Variants in SH3BP5 observed in about 807,000 individuals in gnomAD.
SH3BP5 encodes the protein SH3 domain-binding protein 5.
In SH3BP5, 22 loss-of-function variants were observed where a neutral mutation model predicts 43.3. The observed-to-expected ratio is 0.51, with a 90% CI of 0.36 to 0.73. The LOEUF (loss-of-function observed/expected upper bound fraction) is 0.73. Among genes scored for constraint, SH3BP5 ranks in the 30% least tolerant of loss-of-function variants. The pLI, the probability that SH3BP5 is intolerant of heterozygous loss-of-function variation, is 0.00. For missense variants in SH3BP5, 529 were observed against 586.9 expected (o/e 0.90, Z 1.02); for synonymous variants, 255 against 225.8 (o/e 1.13, Z -1.16).
At chr3:15,256,829 C>CG in intron 8 of SH3BP5, 24 bp downstream of exon 8, 1 of 1,586,916 alleles carries the variant, frequency 6.3e-7, no homozygotes, top group South Asian at 1.1e-5. Flanking sequence ...GCATCTGGGA[C>CG]GGGGTGAGAA....
At chr3:15,312,663 T>A (rs1232993241) in intron 2 of SH3BP5, among the ~76,000 whole-genome samples, 1 of 152,230 alleles carries the variant, frequency 6.6e-6, no homozygotes, top group Non-Finnish European at 1.5e-5. Context: ...AAGACTCCAT[T>A]TGGTACCACA....
At chr3:15,277,797 G>A (rs1192431873) in intron 3 of SH3BP5, among the ~76,000 whole-genome samples, 1 of 149,036 alleles carries the variant, frequency 6.7e-6, no homozygotes, top group Non-Finnish European at 1.5e-5. Flanking sequence ...GAATGGTTGG[G>A]CTCAGTATGC....
intron 7 of SH3BP5, chr3:15,257,455 C>T (rs1696254140): frequency 4.4e-6 from 1 of 226,716 alleles, no homozygotes; most frequent in Admixed American, 5.2e-5. Context: ...CAAATACATC[C>T]TCATGTGCAC....
At chr3:15,289,486 C>T (rs953343538) in intron 3 of SH3BP5, among the ~76,000 whole-genome samples, 7 of 152,230 alleles carry the variant, frequency 4.6e-5, no homozygotes, top group Admixed American at 2.6e-4. Flanking sequence ...GCAAACAGAA[C>T]ACTCGGTTTC....
At chr3:15,311,266 A>C (rs1219496753) in intron 2 of SH3BP5, among the ~76,000 whole-genome samples, 1 of 152,178 alleles carries the variant, frequency 6.6e-6, no homozygotes, top group Non-Finnish European at 1.5e-5. Flanking sequence ...TCCCGAGTTT[A>C]CAGATAAGAA....
At chr3:15,264,746 A>C (rs1696573879) in intron 4 of SH3BP5, among the ~76,000 whole-genome samples, 1 of 152,168 alleles carries the variant, frequency 6.6e-6, no homozygotes, top group Non-Finnish European at 1.5e-5. Flanking sequence ...AAATGCACTA[A>C]AAATATCTCA....
At chr3:15,300,965 A>G (rs1380362714) in intron 3 of SH3BP5, among the ~76,000 whole-genome samples, 2 of 152,106 alleles carry the variant, frequency 1.3e-5, no homozygotes, top group African/African-American at 4.8e-5. Flanking sequence ...AGGACTCAGT[A>G]ATTGCCCTAT....
chr3:15,265,332 A>G (rs1054981340), intron 4 of SH3BP5, among the ~76,000 whole-genome samples: 1 of 152,122 alleles, frequency 6.6e-6, no homozygotes, highest in Non-Finnish European at 1.5e-5. Context: ...CCTGGCCAAC[A>G]TGGTGAAACC....
chr3:15,305,283 C>A (rs1384925458), intron 2 of SH3BP5, among the ~76,000 whole-genome samples: 2 of 152,178 alleles, frequency 1.3e-5, no homozygotes, highest in Non-Finnish European at 2.9e-5. Context: ...TCAACACTGA[C>A]CAAACCTCTA....
intron 2 of SH3BP5, among the ~76,000 whole-genome samples, chr3:15,329,131 CAG>C (rs1357991736): frequency 6.7e-6 from 1 of 149,942 alleles, no homozygotes; most frequent in African/African-American, 2.4e-5. Flanking sequence ...GCCTGGGCGA[CAG>C]AGTAAGACTC....
chr3:15,324,634 A>G (rs1698414525), intron 2 of SH3BP5, among the ~76,000 whole-genome samples: 1 of 152,190 alleles, frequency 6.6e-6, no homozygotes. Context: ...GTTTCTTCGA[A>G]GCACAACTGA....
Position 15,255,927 on chromosome 3 carries a change from CAGA to C in SH3BP5, c.*156_*158del, listed in dbSNP as rs1696177534. 2.0e-5 allele frequency: 14 copies of C among 689,500 alleles called. No homozygotes were observed. The highest frequency in any genetic ancestry group is 3.0e-5 in the Non-Finnish European group (12 of 401,202). 42.7% of individuals were successfully genotyped at this position (689,500 alleles called of 1,614,324 possible). The stretch of plus-strand genomic sequence containing the variant: ...AAAAACCAGCCCAAGAGCTCTTACC[CAGA>C]AGAACAATCTTTAGCCCTCAAGGTC... On this transcript the variant is annotated 3_prime_UTR_variant, in exon 9 of 9. Transcript: ENST00000383791.
upstream of SH3BP5, among the ~76,000 whole-genome samples, chr3:15,333,800 G>C (rs1235604531): frequency 6.6e-6 from 1 of 152,230 alleles, no homozygotes; most frequent in African/African-American, 2.4e-5. Flanking sequence ...TTTCTAAAAA[G>C]GTCAGACCTG....
upstream of SH3BP5, chr3:15,333,125 G>C (rs528430771): frequency 2.3e-5 from 23 of 985,468 alleles, no homozygotes; most frequent in South Asian, 8.9e-4. Flanking sequence ...ATTGAGCTGG[G>C]ATTTAAGGAG....
chr3:15,286,806 A>G (rs1227261452), intron 3 of SH3BP5, among the ~76,000 whole-genome samples: 2 of 152,224 alleles, frequency 1.3e-5, no homozygotes, highest in African/African-American at 4.8e-5. Flanking sequence ...TCAGCTTCCC[A>G]AAGTGCTGAG....
At chr3:15,323,465 C>T (rs1283602964) in intron 2 of SH3BP5, among the ~76,000 whole-genome samples, 1 of 152,204 alleles carries the variant, frequency 6.6e-6, no homozygotes, top group Non-Finnish European at 1.5e-5. Flanking sequence ...CAGCCAAGCA[C>T]ACAGGGGGCC....
At chr3:15,326,519 C>T (rs1698467655) in intron 2 of SH3BP5, among the ~76,000 whole-genome samples, 1 of 152,216 alleles carries the variant, frequency 6.6e-6, no homozygotes, top group Admixed American at 6.5e-5. Context: ...AGCAGAATAC[C>T]TTCCCCTGGG....
rs553649315 is a variant in SH3BP5 at position 15,256,943 on chromosome 3, A to T, written c.1060T>A (p.Ser354Thr). 6.2e-7 allele frequency: 1 copy of T among 1,614,182 alleles called. No homozygotes were observed. The highest frequency in any genetic ancestry group is 1.1e-5 in the South Asian group (1 of 91,082). Residue 354 changes from serine to threonine, a missense_variant, in exon 8 of 9, where the codon TCC becomes ACC. This residue lies in a region of SH3BP5 where 369 missense variants were observed against 384.3 expected (regional missense o/e 0.96). Transcript: ENST00000383791. ...PGSLDLPSPV[S>T]LSEFGMMFPV... Reference sequence around the variant, plus strand: ...AACATCATCCCAAACTCTGACAGGGACACAGGGCTGGGCAGATCCAGGCTG... The same window carrying T: ...AACATCATCCCAAACTCTGACAGGGTCACAGGGCTGGGCAGATCCAGGCTG...
At chr3:15,297,880 C>A (rs139079830) in intron 3 of SH3BP5, among the ~76,000 whole-genome samples, 62 of 151,710 alleles carry the variant, frequency 4.1e-4, no homozygotes, top group African/African-American at 1.4e-3. Context: ...AACTGGCCAA[C>A]AAAACCATGA....
Sources: gnomAD v4.1 joint callset for allele counts (sites outside exome capture counted in the v4.1 genomes callset) on GRCh38, gnomAD v4.1.1 for gene constraint, gnomAD v4.1.1 regional missense constraint, MANE v1.5 for transcripts, NCBI Gene and HGNC (gene_info 2026-07-23, HGNC 2026-07-21) for gene names.